SLC24A2: variants seen among roughly 807,000 people sequenced by gnomAD.
SLC24A2 encodes solute carrier family 24 member 2, also known as sodium/potassium/calcium exchanger 2.
SLC24A2 carries 36 observed loss-of-function variants against 62.0 expected under a neutral mutation model. The observed-to-expected ratio is 0.58, with a 90% CI of 0.44 to 0.77. The LOEUF is 0.77. Ranked by LOEUF, SLC24A2 falls within the 30% of genes least tolerant of loss-of-function variation. The pLI is 0.00. For missense variants in SLC24A2, 846 were observed against 817.9 expected (o/e 1.03, Z -0.42); for synonymous variants, 358 against 294.0 (o/e 1.22, Z -2.23).
chr9:19,925,391 A>C, the SLC24A2 span, among the ~76,000 whole-genome samples: 1 of 152,218 alleles, frequency 6.6e-6, no homozygotes, highest in South Asian at 2.1e-4. Flanking sequence ...TTAGAATCTA[A>C]TACATGTGAA....
At chr9:20,146,900 C>T in the SLC24A2 span, among the ~76,000 whole-genome samples, 5 of 152,236 alleles carry the variant, frequency 3.3e-5, no homozygotes, top group East Asian at 1.9e-4. Flanking sequence ...ACTCCCACTG[C>T]GACTCCACTA....
intron 4 of SLC24A2, among the ~76,000 whole-genome samples, chr9:19,605,433 C>CA (rs1203023937): frequency 6.6e-6 from 1 of 151,932 alleles, no homozygotes; most frequent in African/African-American, 2.4e-5. Context: ...TCTCATTGTA[C>CA]AAAGGACAGG....
chr9:19,719,361 T>C (rs996148444), intron 2 of SLC24A2, among the ~76,000 whole-genome samples: 17 of 152,352 alleles, frequency 1.1e-4, no homozygotes, highest in African/African-American at 4.1e-4. Flanking sequence ...TTTAGCACTA[T>C]TATTCTTGTT....
At chr9:19,568,356 C>T (rs1835738332) in intron 7 of SLC24A2, among the ~76,000 whole-genome samples, 1 of 152,216 alleles carries the variant, frequency 6.6e-6, no homozygotes, top group Non-Finnish European at 1.5e-5. Context: ...CTTCCCAATT[C>T]TGGCTCAGAA....
At chr9:20,050,507 G>C in the SLC24A2 span, among the ~76,000 whole-genome samples, 16,601 of 152,190 alleles carry the variant, frequency 0.11, 905 homozygotes, top group East Asian at 0.17. Flanking sequence ...CAATATGGTG[G>C]AGGTTAGAAA....
the SLC24A2 span, among the ~76,000 whole-genome samples, chr9:19,956,996 G>T: frequency 6.6e-6 from 1 of 152,210 alleles, no homozygotes; most frequent in African/African-American, 2.4e-5. Flanking sequence ...CGGACTGTGA[G>T]AAATAAATTT....
chr9:19,563,010 G>A lies in SLC24A2; in HGVS notation c.1347+10341C>T, dbSNP rs572063216. Reference sequence around the variant, plus strand: ...AGTCCTAGGTACTTGTGAAGCTGAGGTGGGAGGATCACTCAAGCCCAGAAG... The same window carrying A: ...AGTCCTAGGTACTTGTGAAGCTGAGATGGGAGGATCACTCAAGCCCAGAAG... On this transcript the variant is annotated intron_variant, in intron 7 of 10. Transcript: ENST00000341998. Among the ~76,000 whole-genome samples, 4 of 152,298 alleles carry A rather than the reference G, an allele frequency of 2.6e-5. No homozygotes were observed. In the East Asian group the frequency reaches 7.7e-4, roughly 29 times the overall value.
chr9:19,708,246 A>G (rs1276846088), intron 2 of SLC24A2, among the ~76,000 whole-genome samples: 2 of 152,166 alleles, frequency 1.3e-5, no homozygotes, highest in African/African-American at 4.8e-5. Context: ...CTGCTCAAGG[A>G]AATAAAAGAG....
chr9:19,530,038 C>A (rs1396553537), intron 8 of SLC24A2, among the ~76,000 whole-genome samples: 1 of 151,204 alleles, frequency 6.6e-6, no homozygotes, highest in African/African-American at 2.4e-5. Context: ...CAGGTGTAAG[C>A]CACCGCACCC....
the SLC24A2 span, among the ~76,000 whole-genome samples, chr9:20,171,086 T>C: frequency 6.6e-6 from 1 of 151,964 alleles, no homozygotes; most frequent in Non-Finnish European, 1.5e-5. Context: ...AGGAAACAAT[T>C]ATCAGCCAAG....
intron 4 of SLC24A2, among the ~76,000 whole-genome samples, chr9:19,617,800 T>TA (rs1420794167): frequency 3.3e-5 from 5 of 152,246 alleles, no homozygotes; most frequent in African/African-American, 1.2e-4. Flanking sequence ...CACTGAATGT[T>TA]ATAAGTAGAA....
chr9:19,742,531 C>T (rs1292486895), intron 2 of SLC24A2, among the ~76,000 whole-genome samples: 1 of 152,104 alleles, frequency 6.6e-6, no homozygotes, highest in Non-Finnish European at 1.5e-5. Context: ...TCATGAGGTT[C>T]ACATTCAATG....
At chr9:19,994,548 A>G in the SLC24A2 span, among the ~76,000 whole-genome samples, 1 of 152,120 alleles carries the variant, frequency 6.6e-6, no homozygotes, top group African/African-American at 2.4e-5. Context: ...CATGCCTAAG[A>G]GGAATTGAGG....
At chr9:19,622,410 T>C in intron 2 of SLC24A2, 111 bp from the exon 3 acceptor site, 1 of 1,128,494 alleles carries the variant, frequency 8.9e-7, no homozygotes, top group Non-Finnish European at 1.3e-6. Flanking sequence ...GATTTCATTC[T>C]TTCTGCTCCT....
the SLC24A2 span, among the ~76,000 whole-genome samples, chr9:20,086,801 T>C: frequency 6.6e-6 from 1 of 152,208 alleles, no homozygotes; most frequent in Non-Finnish European, 1.5e-5. Context: ...TTCCTGCCCG[T>C]GAGAACCTTC....
chr9:19,854,188 T>C, the SLC24A2 span, among the ~76,000 whole-genome samples: 1 of 152,232 alleles, frequency 6.6e-6, no homozygotes, highest in African/African-American at 2.4e-5. Context: ...GATTCTTCTC[T>C]CTTTTCTTCT....
intron 2 of SLC24A2, among the ~76,000 whole-genome samples, chr9:19,637,026 T>C (rs1283191837): frequency 3.3e-5 from 5 of 152,152 alleles, no homozygotes; most frequent in Non-Finnish European, 7.4e-5. Flanking sequence ...ATCCAAAGGG[T>C]ATGTATCTTG....
chr9:20,265,114 G>A, the SLC24A2 span, among the ~76,000 whole-genome samples: 2 of 152,244 alleles, frequency 1.3e-5, no homozygotes, highest in African/African-American at 4.8e-5. Flanking sequence ...TACAGCGGGA[G>A]ATCCATATCA....
In SLC24A2 at chr9:19,507,638, A is replaced by G. The variant is rs1047186376; in HGVS notation, c.*8515T>C. ...CAGAAGTACATACTTCAGACAGCCTATGTACAAATAAGTAGAGCTTCCTGT... is the reference window on the plus strand; with the variant it reads ...CAGAAGTACATACTTCAGACAGCCTGTGTACAAATAAGTAGAGCTTCCTGT... On this transcript the variant is annotated 3_prime_UTR_variant, in exon 11 of 11. Transcript: ENST00000341998. The G allele has an allele frequency of 6.6e-6, 1 of 152,236 alleles. No individual in the cohort carries two copies. The allele number at this position is 152,236 out of a possible 1,614,324, so 9.4% of individuals were successfully genotyped here. A position where few individuals can be genotyped will look rare whatever the true frequency, so the allele number is the denominator to read the frequency against.
Sources: allele counts gnomAD v4.1 joint callset (sites outside exome capture counted in the v4.1 genomes callset), GRCh38; gene constraint gnomAD v4.1.1; transcripts MANE v1.5; gene names NCBI Gene and HGNC (gene_info 2026-07-23, HGNC 2026-07-21).